MKNK2: variants seen among roughly 807,000 people sequenced by gnomAD.
MKNK2 encodes MAPK interacting serine/threonine kinase 2.
A neutral mutation model predicts 55.0 loss-of-function variants in MKNK2; 54 were observed. The observed-to-expected ratio is 0.98, with a 90% CI of 0.79 to 1.23. The LOEUF is 1.23. Among genes scored for constraint, MKNK2 ranks in the 50% most tolerant of loss-of-function variants. The probability of loss-of-function intolerance (pLI) is 0.00; values close to 1 mark genes in which losing one functional copy is unlikely to be tolerated. For missense variants in MKNK2, 685 were observed against 632.1 expected (o/e 1.08, Z -0.90); for synonymous variants, 323 against 256.0 (o/e 1.26, Z -2.50).
chr19:2,039,874 G>A lies in MKNK2; in HGVS notation c.1155-18C>T. The A allele has an allele frequency of 1.3e-6, 2 of 1,582,230 alleles. No individual in the cohort carries two copies. Among genetic ancestry groups the A allele is most frequent in the Non-Finnish European group, 1.7e-6 (2 of 1,166,260 alleles). ...AGCTGTTCCTGGGAAACGGGGTGGGGGTAGGTGGTCACCAAGAGGCACCCC... is the reference window on the plus strand; with the variant it reads ...AGCTGTTCCTGGGAAACGGGGTGGGAGTAGGTGGTCACCAAGAGGCACCCC... On this transcript the variant is annotated intron_variant, in intron 13 of 13. Coordinates refer to ENST00000250896, the MANE Select transcript of MKNK2 (RefSeq NM_199054.3).
intron 2 of MKNK2, among the ~76,000 whole-genome samples, chr19:2,047,595 T>G (rs1168348239): frequency 6.6e-6 from 1 of 151,882 alleles, no homozygotes; most frequent in South Asian, 2.1e-4. Context: ...GGGAAGGAGG[T>G]GAGTCACTAG....
chr19:2,042,872 TGGGCA>T lies in MKNK2; in HGVS notation c.494-7_494-3del, dbSNP rs770954652. 94 of 1,567,072 alleles carry T rather than the reference TGGGCA, an allele frequency of 6.0e-5. No homozygotes were observed. Among genetic ancestry groups the T allele is most frequent in the East Asian group, 1.9e-4 (8 of 42,348 alleles). On this transcript the variant is annotated splice_polypyrimidine_tract_variant and splice_region_variant and intron_variant, in intron 7 of 13. Transcript: ENST00000250896. Reference sequence around the variant, plus strand: ...TGTGGATGTGGCTCAGGATGGAGCCTGGGCAGGGCAGGGCAGGGCAGGACAGGGGG... The same window carrying T: ...TGTGGATGTGGCTCAGGATGGAGCCTGGGCAGGGCAGGGCAGGACAGGGGG...
chr19:2,039,874 G>T lies in MKNK2; in HGVS notation c.1155-18C>A, dbSNP rs761802334. 2 of 1,582,230 alleles carry T rather than the reference G, an allele frequency of 1.3e-6. No individual in the cohort carries two copies. The highest frequency in any genetic ancestry group is 1.1e-5 in the South Asian group (1 of 89,404). On this transcript the variant is annotated intron_variant, in intron 13 of 13. Transcript: ENST00000250896. The stretch of plus-strand genomic sequence containing the variant: ...AGCTGTTCCTGGGAAACGGGGTGGG[G>T]GTAGGTGGTCACCAAGAGGCACCCC...
rs909323876 is a variant in MKNK2 at position 2,042,023 on chromosome 19, C to G, written c.762G>C (p.Ala254=). The stretch of plus-strand genomic sequence containing the variant: ...CCACTACCTCCGGGGCCATGTACTC[C>G]GCCGAGCCGCACTGCGGGCGGGGGA... The part of the protein sequence containing the change: ...TPELLTPCGS[A]EYMAPEVVEA... The change falls in exon 11 of 14, where the codon GCG becomes GCC. Residue 254 remains alanine (A), a synonymous_variant. Transcript: ENST00000250896. 1.3e-6 allele frequency: 2 copies of G among 1,503,804 alleles called. No homozygotes were observed. Among genetic ancestry groups the G allele is most frequent in the Non-Finnish European group, 1.8e-6 (2 of 1,126,564 alleles). 93.2% of individuals were successfully genotyped at this position (1,503,804 alleles called of 1,614,324 possible). A position where few individuals can be genotyped will look rare whatever the true frequency, so the allele number is the denominator to read the frequency against.
chr19:2,048,452 G>A (rs1029570285), intron 2 of MKNK2, among the ~76,000 whole-genome samples: 14 of 152,130 alleles, frequency 9.2e-5, no homozygotes, highest in Non-Finnish European at 1.2e-4. Context: ...CAGGTTCCTT[G>A]TACCACTGAG....
At chr19:2,050,284 C>T (rs947779604) in intron 2 of MKNK2, among the ~76,000 whole-genome samples, 5 of 152,358 alleles carry the variant, frequency 3.3e-5, no homozygotes, top group African/African-American at 1.2e-4. Context: ...GCACAGGCCC[C>T]CTGGGGGTGG....
In MKNK2 at chr19:2,039,479, C is replaced by G; in HGVS notation, c.*134G>C. On this transcript the variant is annotated 3_prime_UTR_variant, in exon 14 of 14. Coordinates refer to ENST00000250896, the MANE Select transcript of MKNK2 (RefSeq NM_199054.3). ...CAAAAACCTTCTATAAAACACCCCC[C>G]TCAGCTGAGCTTAGTGCCTGGGAAT... The G allele has an allele frequency of 1.4e-6, 2 of 1,420,662 alleles. No individual in the cohort carries two copies. Among genetic ancestry groups the G allele is most frequent in the East Asian group, 2.5e-5 (1 of 39,620 alleles). 88.0% of individuals were successfully genotyped at this position (1,420,662 alleles called of 1,614,324 possible).
intron 11 of MKNK2, among the ~76,000 whole-genome samples, chr19:2,041,582 G>A (rs1398116782): frequency 6.6e-6 from 1 of 152,154 alleles, no homozygotes; most frequent in East Asian, 1.9e-4. Flanking sequence ...CTGGCAGACA[G>A]GGCGGCACTG....
chr19:2,038,602 G>A lies in MKNK2; in HGVS notation c.*1011C>T, dbSNP rs773584498. 4 of 985,256 alleles carry A rather than the reference G, an allele frequency of 4.1e-6. No individual in the cohort carries two copies. The highest frequency in any genetic ancestry group is 4.7e-5 in the South Asian group (1 of 21,262). The allele number at this position is 985,256 out of a possible 1,614,324, so 61.0% of individuals were successfully genotyped here. ...GGGGGTGAGGATTCGGCCAGACCCCGGGGTCTGGGCTCAGCTCTAAGGACA... is the reference window on the plus strand; with the variant it reads ...GGGGGTGAGGATTCGGCCAGACCCCAGGGTCTGGGCTCAGCTCTAAGGACA... On this transcript the variant is annotated 3_prime_UTR_variant, in exon 14 of 14. Coordinates refer to ENST00000250896, the MANE Select transcript of MKNK2 (RefSeq NM_199054.3).
In MKNK2 at chr19:2,039,800, C is replaced by T; in HGVS notation, c.1211G>A (p.Arg404Gln). 6.2e-7 allele frequency: 1 copy of T among 1,605,834 alleles called. No homozygotes were observed. The highest frequency in any genetic ancestry group is 8.5e-7 in the Non-Finnish European group (1 of 1,179,102). The change falls in exon 14 of 14, where the codon CGG (arginine) becomes CAG (glutamine). Residue 404 changes from arginine (R) to glutamine (Q), a missense_variant. By Grantham distance (43) the Arg-to-Gln change is conservative. Transcript: ENST00000250896. ...SFAAEAIAMN[R>Q]QLAQHDEDLA... The stretch of plus-strand genomic sequence containing the variant: ...GTCCTCGTCGTGCTGGGCCAGCTGC[C>T]GGTTCATGGCAATGGCCTCAGCCGC...
chr19:2,045,201 G>A (rs1205751880), intron 5 of MKNK2, among the ~76,000 whole-genome samples: 1 of 152,144 alleles, frequency 6.6e-6, no homozygotes, highest in Non-Finnish European at 1.5e-5. Flanking sequence ...GATGACCAGG[G>A]AGGTGGCTCT....
chr19:2,046,106 G>C, intron 5 of MKNK2, 80 bp downstream of exon 5: 5 of 1,387,706 alleles, frequency 3.6e-6, no homozygotes, highest in Non-Finnish European at 5.0e-6. Context: ...ACGGACAGCC[G>C]GAATGCCACA....
In MKNK2 at chr19:2,038,743, T is replaced by C; in HGVS notation, c.*870A>G. On this transcript the variant is annotated 3_prime_UTR_variant, in exon 14 of 14. Coordinates refer to ENST00000250896, the MANE Select transcript of MKNK2 (RefSeq NM_199054.3). Reference sequence around the variant, plus strand: ...ACTCGGGTGCCCCAAGGGGGTGTCTTCAGGACCCCCCACATTGGCTGACAG... The same window carrying C: ...ACTCGGGTGCCCCAAGGGGGTGTCTCCAGGACCCCCCACATTGGCTGACAG... 2 of 985,522 alleles carry C rather than the reference T, an allele frequency of 2.0e-6. No individual in the cohort carries two copies. The highest frequency in any genetic ancestry group is 5.2e-4 in the Middle Eastern group (1 of 1,916). 61.0% of individuals were successfully genotyped at this position (985,522 alleles called of 1,614,324 possible). A position where few individuals can be genotyped will look rare whatever the true frequency, so the allele number is the denominator to read the frequency against.
chr19:2,046,340 C>G (rs759736411), intron 4 of MKNK2, 27 bp downstream of exon 4: 2 of 1,604,522 alleles, frequency 1.2e-6, no homozygotes, highest in Admixed American at 3.3e-5. Flanking sequence ...GCTCCCGGCT[C>G]CCCCAATGCC....
At chr19:2,040,098 G>A (rs1229161503) in intron 13 of MKNK2, 36 bp downstream of exon 13, 2 of 1,569,358 alleles carry the variant, frequency 1.3e-6, no homozygotes, top group Non-Finnish European at 1.7e-6. Context: ...CCCGCCCCCT[G>A]GACTCAGGGG....
chr19:2,040,362 T>C (rs1298138885), intron 12 of MKNK2, 185 bp from the exon 13 acceptor site: 4 of 566,072 alleles, frequency 7.1e-6, no homozygotes, highest in African/African-American at 5.8e-5. Flanking sequence ...TGAGGCTCCA[T>C]GTCCCCCTGC....
Position 2,039,587 on chromosome 19 carries a change from C to G in MKNK2, c.*26G>C. 1.9e-6 allele frequency: 3 copies of G among 1,598,680 alleles called. No homozygotes were observed. Among genetic ancestry groups the G allele is most frequent in the Non-Finnish European group, 2.6e-6 (3 of 1,171,844 alleles). ...TAGATTTGATTGGGGGACGGGTGACCTATGTACAGAGGGGAGATGGGAGGG... is the reference window on the plus strand; with the variant it reads ...TAGATTTGATTGGGGGACGGGTGACGTATGTACAGAGGGGAGATGGGAGGG... On this transcript the variant is annotated 3_prime_UTR_variant, in exon 14 of 14. Transcript: ENST00000250896.
intron 11 of MKNK2, 140 bp downstream of exon 11, chr19:2,041,700 C>G (rs1026792679): frequency 1.5e-6 from 1 of 658,672 alleles, no homozygotes; most frequent in African/African-American, 1.9e-5. Context: ...GGCAGGTCCC[C>G]GAGGGTTAGG....
rs2016786405 is a variant in MKNK2, at chr19:2,037,910, C to A, written c.*1703G>T. The A allele has an allele frequency of 1.4e-6, 2 of 1,427,024 alleles. No homozygotes were observed. The highest frequency in any genetic ancestry group is 2.5e-5 in the Admixed American group (1 of 40,484). 88.4% of individuals were successfully genotyped at this position (1,427,024 alleles called of 1,614,324 possible). On this transcript the variant is annotated 3_prime_UTR_variant, in exon 14 of 14. Transcript: ENST00000250896. ...GAGACCCGATGGCTATGGGCGCCTGCAGCGGGCGGGGGTCCATTTGCTTGT... is the reference window on the plus strand; with the variant it reads ...GAGACCCGATGGCTATGGGCGCCTGAAGCGGGCGGGGGTCCATTTGCTTGT...
Sources: allele counts gnomAD v4.1 joint callset (sites outside exome capture counted in the v4.1 genomes callset), GRCh38; gene constraint gnomAD v4.1.1; transcripts MANE v1.5; gene names NCBI Gene and HGNC (gene_info 2026-07-23, HGNC 2026-07-21).